The following ATP8A2 variants were observed in gnomAD, a reference collection of about 807,000 sequenced individuals.
ATP8A2 encodes the protein phospholipid-transporting ATPase IB.
Under a neutral mutation model 165.6 loss-of-function variants are expected in ATP8A2, and 100 were observed. The observed-to-expected ratio is 0.60, with a 90% CI of 0.51 to 0.71. ATP8A2 has a LOEUF of 0.71. ATP8A2 is among the 30% of genes least tolerant of loss of function. The pLI is 0.00. For missense variants in ATP8A2, 1,227 were observed against 1,479.5 expected, an observed-to-expected ratio of 0.83 and a Z score of 2.80; for synonymous variants, 543 against 548.8, an observed-to-expected ratio of 0.99 and a Z score of 0.15.
chr13:25,716,093 T>C (rs1433905030), intron 25 of ATP8A2, among the ~76,000 whole-genome samples: 2 of 152,238 alleles, frequency 1.3e-5, no homozygotes, highest in African/African-American at 4.8e-5. Flanking sequence ...CAACTTTTCA[T>C]GTGTTTGTTA....
chr13:25,876,459 G>A (rs142945433), intron 33 of ATP8A2, among the ~76,000 whole-genome samples: 59 of 152,284 alleles, frequency 3.9e-4, no homozygotes, highest in African/African-American at 1.3e-3. Context: ...ACGGGAGGAC[G>A]AGGAGCCTGA....
chr13:25,636,272 A>G (rs988212298), intron 24 of ATP8A2, among the ~76,000 whole-genome samples: 11 of 152,126 alleles, frequency 7.2e-5, no homozygotes, highest in African/African-American at 2.7e-4. Context: ...TTCTGTCTAG[A>G]CTCTTGCTCA....
intron 24 of ATP8A2, among the ~76,000 whole-genome samples, chr13:25,682,000 C>T (rs115482634): frequency 0.015 from 2,323 of 152,200 alleles, 59 homozygotes; most frequent in African/African-American, 0.052. Flanking sequence ...GAGAGCACTG[C>T]GGTCCTTGGC....
intron 24 of ATP8A2, among the ~76,000 whole-genome samples, chr13:25,614,475 G>T (rs2040770448): frequency 6.6e-6 from 1 of 152,048 alleles, no homozygotes; most frequent in Non-Finnish European, 1.5e-5. Flanking sequence ...GTGCCTCCTT[G>T]AGTAGCTAAA....
At chr13:25,736,959 G>A (rs1320903781) in intron 25 of ATP8A2, among the ~76,000 whole-genome samples, 1 of 152,192 alleles carries the variant, frequency 6.6e-6, no homozygotes, top group Non-Finnish European at 1.5e-5. Flanking sequence ...CAGTGTTAGG[G>A]AGGGTGCATG....
At chr13:25,515,507 C>T (rs767618121) in intron 2 of ATP8A2, among the ~76,000 whole-genome samples, 14 of 152,264 alleles carry the variant, frequency 9.2e-5, no homozygotes, top group Admixed American at 2.0e-4. Flanking sequence ...CCCTGCAGCT[C>T]ATACTCAGAA....
chr13:25,820,113 C>A (rs1951137011), intron 27 of ATP8A2, among the ~76,000 whole-genome samples: 1 of 152,160 alleles, frequency 6.6e-6, no homozygotes, highest in South Asian at 2.1e-4. Flanking sequence ...CTGAGAGTGG[C>A]GGCAGGTACA....
At chr13:25,940,451 C>T (rs115404813) in intron 33 of ATP8A2, among the ~76,000 whole-genome samples, 61 of 152,304 alleles carry the variant, frequency 4.0e-4, no homozygotes, top group African/African-American at 1.2e-3. Flanking sequence ...CCCTCCTGCC[C>T]GCTTCCTGCT....
intron 2 of ATP8A2, among the ~76,000 whole-genome samples, chr13:25,483,007 A>C (rs1240283110): frequency 2.0e-5 from 3 of 152,246 alleles, no homozygotes; most frequent in African/African-American, 7.2e-5. Flanking sequence ...AGGCCAGGCT[A>C]CTGGAGACGG....
intron 30 of ATP8A2, among the ~76,000 whole-genome samples, chr13:25,857,540 TA>T (rs1432588479): frequency 2.7e-5 from 4 of 149,588 alleles, no homozygotes. Context: ...CACACTTGGC[TA>T]ATATGTTTCT....
intron 16 of ATP8A2, among the ~76,000 whole-genome samples, chr13:25,569,956 A>G (rs1024746346): frequency 6.6e-6 from 1 of 152,234 alleles, no homozygotes; most frequent in African/African-American, 2.4e-5. Context: ...GAATATTTAG[A>G]AGCTTTTAAT....
chr13:25,827,978 C>A (rs1198718692), intron 27 of ATP8A2, 140 bp from the exon 28 acceptor site: 1 of 661,810 alleles, frequency 1.5e-6, no homozygotes, highest in Admixed American at 2.6e-5. Flanking sequence ...TATAAAGGAA[C>A]AACTGCTGCA....
intron 25 of ATP8A2, among the ~76,000 whole-genome samples, chr13:25,728,579 AG>A (rs1156565205): frequency 2.0e-5 from 3 of 152,206 alleles, no homozygotes; most frequent in Non-Finnish European, 4.4e-5. Flanking sequence ...TCTGTCTTAG[AG>A]AAAAAATGGA....
At chr13:25,966,193 G>A (rs1955773353) in intron 34 of ATP8A2, among the ~76,000 whole-genome samples, 1 of 152,082 alleles carries the variant, frequency 6.6e-6, no homozygotes, top group South Asian at 2.1e-4. Context: ...CCCTTCTGTG[G>A]TCATCCAGCC....
Position 25,383,716 on chromosome 13 carries a change from T to C in ATP8A2, c.76+11428T>C, listed in dbSNP as rs549593451. 2.1e-3 allele frequency among the ~76,000 whole-genome samples: 313 copies of C among 152,328 alleles called. 2 individuals are homozygous for C. Among genetic ancestry groups the C allele is most frequent in the Non-Finnish European group, 3.0e-3 (202 of 68,036 alleles). On this transcript the variant is annotated intron_variant, in intron 1 of 36. Transcript: ENST00000381655. ...AGAGGGTATACTTATATTATGAATA[T>C]AGTATTTACTTACTTTGTCCCTAAC... is the stretch of plus-strand genomic sequence containing the variant.
chr13:25,523,272 C>CTTTT (rs71077476), intron 2 of ATP8A2, among the ~76,000 whole-genome samples: 2 of 135,732 alleles, frequency 1.5e-5, no homozygotes, highest in Non-Finnish European at 3.1e-5. Context: ...TTTAGGATAA[C>CTTTT]TTTTTTTTTT....
intron 33 of ATP8A2, among the ~76,000 whole-genome samples, chr13:25,930,829 G>T (rs1440257745): frequency 6.6e-6 from 1 of 152,134 alleles, no homozygotes; most frequent in Admixed American, 6.5e-5. Flanking sequence ...TGGGCCTTAG[G>T]GTCTGGCTGC....
rs1478680261 is a variant in ATP8A2, at chr13:26,024,054, C to A, written c.*4069C>A. The A allele has an allele frequency of 6.6e-6, 1 of 152,160 alleles. No homozygotes were observed. Among genetic ancestry groups the A allele is most frequent in the East Asian group, 1.9e-4 (1 of 5,186 alleles). The allele number at this position is 152,160 out of a possible 1,614,324, so 9.4% of individuals were successfully genotyped here. A position where few individuals can be genotyped will look rare whatever the true frequency, so the allele number is the denominator to read the frequency against. ...TCACAATGGGAACAGTTAAAACCCCCTCCCTTCAAAAAAAGAAAATCTATA... is the reference window on the plus strand; with the variant it reads ...TCACAATGGGAACAGTTAAAACCCCATCCCTTCAAAAAAAGAAAATCTATA... On this transcript the variant is annotated 3_prime_UTR_variant, in exon 37 of 37. Coordinates refer to ENST00000381655, the MANE Select transcript of ATP8A2 (RefSeq NM_016529.6).
chr13:25,389,077 GACAA>G (rs1337077123), intron 1 of ATP8A2, among the ~76,000 whole-genome samples: 1 of 152,174 alleles, frequency 6.6e-6, no homozygotes, highest in Non-Finnish European at 1.5e-5. Context: ...GCTGTGATAA[GACAA>G]ACAAGAACTT....
Sources: gnomAD v4.1 joint callset for allele counts (sites outside exome capture counted in the v4.1 genomes callset) on GRCh38, gnomAD v4.1.1 for gene constraint, MANE v1.5 for transcripts, NCBI Gene and HGNC (gene_info 2026-07-23, HGNC 2026-07-21) for gene names.